The following RIPOR2 variants were observed in gnomAD, a reference collection of about 807,000 sequenced individuals.
RIPOR2 encodes the protein rho family-interacting cell polarization regulator 2.
Under a neutral mutation model 114.5 loss-of-function variants are expected in RIPOR2, and 39 were observed. The observed-to-expected ratio is 0.34, with a 90% CI of 0.26 to 0.44. RIPOR2 has a LOEUF of 0.44. RIPOR2 is among the 20% of genes least tolerant of loss of function. The pLI, the probability that RIPOR2 is intolerant of heterozygous loss-of-function variation, is 1.00. For synonymous variants in RIPOR2, 445 were observed against 484.4 expected, an observed-to-expected ratio of 0.92 and a Z score of 1.07; for missense variants, 1,007 against 1,255.1, an observed-to-expected ratio of 0.80 and a Z score of 2.99.
In RIPOR2 at chr6:24,854,951, T is replaced by C. The variant is rs185832519; in HGVS notation, c.716-2333A>G. On this transcript the variant is annotated intron_variant, in intron 8 of 21. Transcript: ENST00000643898. ...CTGAGGCAGGAGAATCGCTTGAACCTGGGAGGCGGGGGTTGCAGTGAGCCG... is the reference window on the plus strand; with the variant it reads ...CTGAGGCAGGAGAATCGCTTGAACCCGGGAGGCGGGGGTTGCAGTGAGCCG... 3.5e-3 allele frequency among the ~76,000 whole-genome samples: 472 copies of C among 135,138 alleles called. 1 individual carries two copies. Among genetic ancestry groups the C allele is most frequent in the African/African-American group, 0.012 (418 of 35,812 alleles). The allele number at this position is 135,138 out of a possible 152,430, so 88.7% of individuals were successfully genotyped here. A position where few individuals can be genotyped will look rare whatever the true frequency, so the allele number is the denominator to read the frequency against.
intron 1 of RIPOR2, among the ~76,000 whole-genome samples, chr6:24,904,723 C>A (rs1470694865): frequency 6.6e-6 from 1 of 152,208 alleles, no homozygotes; most frequent in Non-Finnish European, 1.5e-5. Flanking sequence ...TTTTTCCTGA[C>A]CATGCTAGTG....
intron 1 of RIPOR2, among the ~76,000 whole-genome samples, chr6:24,994,087 C>A (rs1194508011): frequency 2.0e-5 from 3 of 152,072 alleles, no homozygotes; most frequent in Admixed American, 2.0e-4. Context: ...TGTAAGCTCC[C>A]AGACAAAGGT....
At chr6:24,908,141 C>T (rs1301417054) in intron 1 of RIPOR2, among the ~76,000 whole-genome samples, 2 of 152,146 alleles carry the variant, frequency 1.3e-5, no homozygotes, top group Non-Finnish European at 2.9e-5. Flanking sequence ...CGAGGCCCTA[C>T]TCACAGGACC....
chr6:25,036,855 C>A (rs1777278687), intron 1 of RIPOR2, among the ~76,000 whole-genome samples: 1 of 152,154 alleles, frequency 6.6e-6, no homozygotes. Flanking sequence ...ATCAGTTTTT[C>A]CCTAGTGTAT....
chr6:25,021,754 A>G (rs1182510136), intron 1 of RIPOR2, among the ~76,000 whole-genome samples: 1 of 152,224 alleles, frequency 6.6e-6, no homozygotes, highest in African/African-American at 2.4e-5. Context: ...TTATGTAACT[A>G]AATCCCACCT....
chr6:24,928,875 TC>T (rs1771164301), intron 1 of RIPOR2, among the ~76,000 whole-genome samples: 1 of 152,246 alleles, frequency 6.6e-6, no homozygotes, highest in Non-Finnish European at 1.5e-5. Context: ...TGTTCTCTCT[TC>T]CTCAGTTTGG....
At chr6:25,023,844 G>T in intron 1 of RIPOR2, 1 of 734,828 alleles carries the variant, frequency 1.4e-6, no homozygotes, top group Non-Finnish European at 2.5e-6. Flanking sequence ...GGGTGTTGGG[G>T]GCTTTGACCG....
At chr6:24,969,270 C>A (rs1773669818) in intron 1 of RIPOR2, among the ~76,000 whole-genome samples, 1 of 152,066 alleles carries the variant, frequency 6.6e-6, no homozygotes, top group African/African-American at 2.4e-5. Flanking sequence ...CAGAGTGGTC[C>A]AAGGAACAGC....
intron 1 of RIPOR2, among the ~76,000 whole-genome samples, chr6:24,973,479 G>A (rs987054535): frequency 5.9e-5 from 9 of 151,340 alleles, no homozygotes; most frequent in Admixed American, 1.3e-4. Flanking sequence ...GGTGGCGTGC[G>A]TCTGCTACTT....
In RIPOR2 at chr6:24,825,434, G is replaced by A. The variant is rs1202996661; in HGVS notation, c.2666-6C>T. On this transcript the variant is annotated splice_polypyrimidine_tract_variant and splice_region_variant and intron_variant, in intron 18 of 21. Coordinates refer to ENST00000643898, the MANE Select transcript of RIPOR2 (RefSeq NM_001286445.3). ...CAGAGTCTGAACCATGGAAACTGGA[G>A]GGTAAGAAGGAAGGAGATTTCATGT... 3.9e-6 allele frequency: 6 copies of A among 1,547,230 alleles called. No homozygotes were observed. The highest frequency in any genetic ancestry group is 4.4e-6 in the Non-Finnish European group (5 of 1,142,774).
At chr6:24,969,692 T>A (rs1283101413) in intron 1 of RIPOR2, among the ~76,000 whole-genome samples, 1 of 151,996 alleles carries the variant, frequency 6.6e-6, no homozygotes, top group Non-Finnish European at 1.5e-5. Flanking sequence ...CTGCTCCCAC[T>A]CCAACTTCAC....
chr6:24,966,245 C>T (rs1287176133), intron 1 of RIPOR2, among the ~76,000 whole-genome samples: 1 of 152,176 alleles, frequency 6.6e-6, no homozygotes, highest in Non-Finnish European at 1.5e-5. Flanking sequence ...GCACATACAT[C>T]AGATGGACAG....
chr6:24,965,588 A>G (rs1773490936), intron 1 of RIPOR2, among the ~76,000 whole-genome samples: 2 of 152,186 alleles, frequency 1.3e-5, no homozygotes, highest in African/African-American at 4.8e-5. Flanking sequence ...TGACCATCTT[A>G]TAGTCTGTGT....
chr6:24,998,853 C>A (rs1211739837), intron 1 of RIPOR2, among the ~76,000 whole-genome samples: 1 of 147,144 alleles, frequency 6.8e-6, no homozygotes, highest in Non-Finnish European at 1.5e-5. Context: ...ACAGATTGGA[C>A]AATGTGGAAC....
chr6:24,930,947 G>A (rs1771345430), intron 1 of RIPOR2, among the ~76,000 whole-genome samples: 1 of 152,182 alleles, frequency 6.6e-6, no homozygotes, highest in Non-Finnish European at 1.5e-5. Flanking sequence ...GTTATAAAAT[G>A]TGGCATAATC....
intron 12 of RIPOR2, among the ~76,000 whole-genome samples, chr6:24,846,415 C>T (rs1175445983): frequency 6.7e-6 from 1 of 148,710 alleles, no homozygotes; most frequent in African/African-American, 2.5e-5. Flanking sequence ...TCAGTGATCT[C>T]CTGCTTCAGT....
intron 21 of RIPOR2, among the ~76,000 whole-genome samples, chr6:24,808,974 G>A (rs1780954516): frequency 1.3e-5 from 2 of 151,858 alleles, no homozygotes; most frequent in South Asian, 4.2e-4. Context: ...TGGCCAGGCT[G>A]GTCTCGAACT....
intron 5 of RIPOR2, 82 bp from the exon 6 acceptor site, chr6:24,869,229 A>G (rs890648286): frequency 3.0e-6 from 2 of 663,016 alleles, no homozygotes; most frequent in African/African-American, 1.8e-5. Context: ...TGATTATATC[A>G]TACTCAAAAG....
At chr6:24,903,671 G>A (rs1487470819) in intron 1 of RIPOR2, among the ~76,000 whole-genome samples, 2 of 151,888 alleles carry the variant, frequency 1.3e-5, no homozygotes, top group Non-Finnish European at 2.9e-5. Flanking sequence ...TTTGATACAG[G>A]CACACAATAA....
Sources: allele counts gnomAD v4.1 joint callset (sites outside exome capture counted in the v4.1 genomes callset), GRCh38; gene constraint gnomAD v4.1.1; transcripts MANE v1.5; gene names NCBI Gene and HGNC (gene_info 2026-07-23, HGNC 2026-07-21).